The following EEFSEC variants were observed in gnomAD, a reference collection of about 807,000 sequenced individuals.
EEFSEC encodes selenocysteine-specific elongation factor.
EEFSEC carries 43 observed loss-of-function variants against 42.1 expected under a neutral mutation model. The ratio of observed to expected loss-of-function variants is 1.02; its 90% CI spans 0.80 to 1.32. EEFSEC has a LOEUF of 1.32. EEFSEC is among the 40% of genes most tolerant of loss of function. EEFSEC has a pLI of 0.00. For missense variants in EEFSEC, 745 were observed against 803.6 expected (o/e 0.93, Z 0.88); for synonymous variants, 354 against 339.1 (o/e 1.04, Z -0.48).
At chr3:128,422,768 A>G in the EEFSEC span, among the ~76,000 whole-genome samples, 1 of 152,226 alleles carries the variant, frequency 6.6e-6, no homozygotes. Flanking sequence ...GTTGCCACTC[A>G]GACCAGAAGC....
chr3:128,203,979 G>A (rs1246926852), intron 1 of EEFSEC, among the ~76,000 whole-genome samples: 1 of 152,236 alleles, frequency 6.6e-6, no homozygotes, highest in African/African-American at 2.4e-5. Flanking sequence ...AGTTCTCTAA[G>A]TGGGCTGCAA....
intron 4 of EEFSEC, 48 bp downstream of exon 4, chr3:128,264,829 G>A: frequency 1.3e-6 from 2 of 1,582,998 alleles, no homozygotes; most frequent in Non-Finnish European, 1.7e-6. Flanking sequence ...TGGCAGCAAG[G>A]GAGGGGGACT....
intron 1 of EEFSEC, among the ~76,000 whole-genome samples, chr3:128,238,363 T>A (rs1284074617): frequency 6.6e-6 from 1 of 152,252 alleles, no homozygotes; most frequent in Non-Finnish European, 1.5e-5. Context: ...TTGTAAATGT[T>A]GGCAGTGTAT....
chr3:128,405,760 G>A (rs1306482997), intron 6 of EEFSEC, among the ~76,000 whole-genome samples: 1 of 152,266 alleles, frequency 6.6e-6, no homozygotes, highest in African/African-American at 2.4e-5. Context: ...AGGTGCAGTG[G>A]CACAGGTGCC....
At chr3:128,301,326 A>C (rs2066766187) in intron 4 of EEFSEC, among the ~76,000 whole-genome samples, 1 of 152,126 alleles carries the variant, frequency 6.6e-6, no homozygotes, top group Non-Finnish European at 1.5e-5. Flanking sequence ...GGCAGCTCCT[A>C]CCCATATGTA....
intron 6 of EEFSEC, chr3:128,367,817 C>T: frequency 1.0e-6 from 1 of 985,422 alleles, no homozygotes; most frequent in Non-Finnish European, 1.2e-6. Flanking sequence ...ACTCCCTTTT[C>T]CTGTCACCCA....
At chr3:128,187,861 C>G (rs139347245) in intron 1 of EEFSEC, among the ~76,000 whole-genome samples, 45 of 152,304 alleles carry the variant, frequency 3.0e-4, no homozygotes, top group African/African-American at 1.1e-3. Context: ...GATTCAGTTT[C>G]AGAAAATGGG....
intron 4 of EEFSEC, among the ~76,000 whole-genome samples, chr3:128,272,259 G>A (rs542588572): frequency 6.6e-6 from 1 of 152,202 alleles, no homozygotes; most frequent in Non-Finnish European, 1.5e-5. Flanking sequence ...CGAAGGATCC[G>A]TCCTGACAGT....
Position 128,153,563 on chromosome 3 carries a change from G to T in EEFSEC, c.56G>T (p.Gly19Val). 6.5e-7 allele frequency: 1 copy of T among 1,535,882 alleles called. No individual in the cohort carries two copies. The highest frequency in any genetic ancestry group is 8.7e-7 in the Non-Finnish European group (1 of 1,147,914). ...NVGVLGHIDSGKTALARALST... is the reference protein window; with the variant it reads ...NVGVLGHIDSVKTALARALST... Reference sequence around the variant, plus strand: ...GGCGTGCTGGGCCACATCGACAGCGGCAAGACGGCGCTGGCGCGGGCGCTA... The same window carrying T: ...GGCGTGCTGGGCCACATCGACAGCGTCAAGACGGCGCTGGCGCGGGCGCTA... Residue 19 changes from glycine (G) to valine (V), a missense_variant, in exon 1 of 7, where the codon GGC (glycine) becomes GTC (valine). Coordinates refer to ENST00000254730, the MANE Select transcript of EEFSEC (RefSeq NM_021937.5).
intron 4 of EEFSEC, among the ~76,000 whole-genome samples, chr3:128,339,923 G>A (rs1007111940): frequency 1.3e-5 from 2 of 152,152 alleles, no homozygotes; most frequent in Non-Finnish European, 2.9e-5. Flanking sequence ...AAAACAATCA[G>A]ATCTAGTGAG....
intron 4 of EEFSEC, among the ~76,000 whole-genome samples, chr3:128,335,283 C>T (rs1379164296): frequency 1.3e-5 from 2 of 152,192 alleles, no homozygotes; most frequent in African/African-American, 2.4e-5. Flanking sequence ...GGATGCCAAG[C>T]GTTGGGAAGC....
chr3:128,209,442 G>A (rs1408449485), intron 1 of EEFSEC, among the ~76,000 whole-genome samples: 3 of 152,294 alleles, frequency 2.0e-5, no homozygotes, highest in South Asian at 2.1e-4. Flanking sequence ...AACTTGGATG[G>A]TATGGGCCAG....
At chr3:128,292,934 T>C (rs1236384010) in intron 4 of EEFSEC, among the ~76,000 whole-genome samples, 1 of 152,230 alleles carries the variant, frequency 6.6e-6, no homozygotes, top group Non-Finnish European at 1.5e-5. Flanking sequence ...GAACTATAAA[T>C]TTTCCTATAA....
chr3:128,327,659 G>A (rs893079056), intron 4 of EEFSEC, among the ~76,000 whole-genome samples: 3 of 152,210 alleles, frequency 2.0e-5, no homozygotes. Flanking sequence ...AAACAGTAGG[G>A]CAGAGGCAGG....
chr3:128,215,475 T>G (rs1490284683), intron 1 of EEFSEC, among the ~76,000 whole-genome samples: 1 of 152,204 alleles, frequency 6.6e-6, no homozygotes, highest in South Asian at 2.1e-4. Flanking sequence ...ATAGTGCACC[T>G]TGGACAGCGT....
At chr3:128,239,114 T>C (rs1283308646) in intron 1 of EEFSEC, among the ~76,000 whole-genome samples, 1 of 152,214 alleles carries the variant, frequency 6.6e-6, no homozygotes, top group Admixed American at 6.5e-5. Flanking sequence ...TCCTGCCCAG[T>C]GGTGGATACA....
intron 6 of EEFSEC, among the ~76,000 whole-genome samples, chr3:128,379,563 C>T (rs2067749425): frequency 6.6e-6 from 1 of 152,238 alleles, no homozygotes; most frequent in Admixed American, 6.5e-5. Flanking sequence ...AAACCATCTG[C>T]TGGCTGGCCT....
At chr3:128,214,948 G>A (rs1416303774) in intron 1 of EEFSEC, among the ~76,000 whole-genome samples, 3 of 152,214 alleles carry the variant, frequency 2.0e-5, no homozygotes, top group Non-Finnish European at 4.4e-5. Context: ...TGTAACATCA[G>A]AAACCTTTGT....
chr3:128,331,657 G>A (rs2067135028), intron 4 of EEFSEC, among the ~76,000 whole-genome samples: 1 of 151,984 alleles, frequency 6.6e-6, no homozygotes, highest in Admixed American at 6.6e-5. Context: ...TAGGAGTTGT[G>A]GGTGGGACAG....
Sources: gnomAD v4.1 joint callset for allele counts (sites outside exome capture counted in the v4.1 genomes callset) on GRCh38, gnomAD v4.1.1 for gene constraint, MANE v1.5 for transcripts, NCBI Gene and HGNC (gene_info 2026-07-23, HGNC 2026-07-21) for gene names.